DIDO1: variants seen among roughly 807,000 people sequenced by gnomAD.
The protein encoded by DIDO1 is death inducer-obliterator 1, also known as death-inducer obliterator 1.
DIDO1 carries 16 observed loss-of-function variants against 99.4 expected under a neutral mutation model. That is an observed-to-expected ratio of 0.16 (90% CI 0.11 to 0.24). The LOEUF (loss-of-function observed/expected upper bound fraction) is 0.24, where lower values mean the gene tolerates loss of function less well. DIDO1 is among the 10% of genes least tolerant of loss of function. DIDO1 has a pLI of 1.00. For synonymous variants in DIDO1, 1,366 were observed against 1,239.1 expected (o/e 1.10, Z -2.15); for missense variants, 2,996 against 3,014.0 (o/e 0.99, Z 0.14).
In DIDO1 at chr20:62,892,841, G is replaced by C. The variant is rs775903143; in HGVS notation, c.3223C>G (p.Pro1075Ala). ...AGGTAATCAAAACACCCAGAGACAG[G>C]ATACGCCTTAGTGACAAATTTTGCC... Reference protein sequence around the residue: ...SVAKFVTKAYPVSGCFDYLSE... With the variant: ...SVAKFVTKAYAVSGCFDYLSE... The change falls in exon 13 of 16, where the codon CCT becomes GCT. Residue 1075 changes from proline (P) to alanine (A), a missense_variant. By Grantham distance (27) the Pro-to-Ala change is conservative. Coordinates refer to ENST00000395343, the MANE Select transcript of DIDO1 (RefSeq NM_001193369.2). 1.9e-6 allele frequency: 3 copies of C among 1,614,020 alleles called. No individual in the cohort carries two copies. Among genetic ancestry groups the C allele is most frequent in the Non-Finnish European group, 2.5e-6 (3 of 1,179,960 alleles).
chr20:62,922,453 G>T (rs1374238413), intron 1 of DIDO1, among the ~76,000 whole-genome samples: 1 of 151,976 alleles, frequency 6.6e-6, no homozygotes. Flanking sequence ...CACTCAAGGG[G>T]GAACCTGTCT....
intron 1 of DIDO1, among the ~76,000 whole-genome samples, chr20:62,935,400 C>G (rs901479246): frequency 6.6e-6 from 1 of 152,148 alleles, no homozygotes; most frequent in African/African-American, 2.4e-5. Flanking sequence ...CCATTTTATG[C>G]TGAATCATGA....
At chr20:62,883,608 T>G (rs992318857) in intron 15 of DIDO1, among the ~76,000 whole-genome samples, 3 of 151,874 alleles carry the variant, frequency 2.0e-5, no homozygotes, top group Non-Finnish European at 4.4e-5. Context: ...GGGCGGATCA[T>G]GAGGTCAAGA....
chr20:62,937,719 C>T (rs995629613), intron 1 of DIDO1: 18 of 397,282 alleles, frequency 4.5e-5, no homozygotes, highest in African/African-American at 3.7e-4. Flanking sequence ...GTCTGAGGGG[C>T]GGCCGCGGAC....
At chr20:62,900,338 G>C (rs1600961909) in intron 6 of DIDO1, among the ~76,000 whole-genome samples, 1 of 152,248 alleles carries the variant, frequency 6.6e-6, no homozygotes, top group Non-Finnish European at 1.5e-5. Flanking sequence ...GGTCGTCGTC[G>C]TGCACAGGGA....
chr20:62,897,111 T>A lies in DIDO1; in HGVS notation c.1589-115A>T, dbSNP rs569540133. On this transcript the variant is annotated intron_variant, in intron 6 of 15. Coordinates refer to ENST00000395343, the MANE Select transcript of DIDO1 (RefSeq NM_001193369.2). ...TAAGTGCCCACCTGGCATTACTGAA[T>A]AGGATACACATAGAGAAAAGGATTT... 4 of 915,102 alleles carry A rather than the reference T, an allele frequency of 4.4e-6. No homozygotes were observed. In the East Asian group the frequency reaches 1.1e-4, roughly 24 times the overall value. 56.7% of individuals were successfully genotyped at this position (915,102 alleles called of 1,614,324 possible).
rs753731422 is a variant in DIDO1, at chr20:62,893,709, G to C, written c.3058C>G (p.Pro1020Ala). 2.5e-6 allele frequency: 4 copies of C among 1,611,150 alleles called. No individual in the cohort carries two copies. In the South Asian group the frequency reaches 3.3e-5, roughly 13 times the overall value. ...GGAACTGACAGGTATCTTGGGTCAGGAGATGAGGATGGCTTAGCTAGTATG... is the reference window on the plus strand; with the variant it reads ...GGAACTGACAGGTATCTTGGGTCAGCAGATGAGGATGGCTTAGCTAGTATG... Reference protein sequence around the residue: ...KSILAKPSSSPDPRYLSVPPS... With the variant: ...KSILAKPSSSADPRYLSVPPS... The change falls in exon 12 of 16, where the codon CCT becomes GCT. Residue 1020 changes from proline (P) to alanine (A), a missense_variant. Physicochemically the swap from Pro to Ala is conservative, Grantham distance 27. This residue lies in a region of DIDO1 where 898 missense variants were observed against 972.7 expected (regional missense o/e 0.92). Coordinates refer to ENST00000395343, the MANE Select transcript of DIDO1 (RefSeq NM_001193369.2).
At chr20:62,912,084 G>A (rs940121186) in intron 2 of DIDO1, among the ~76,000 whole-genome samples, 1 of 152,212 alleles carries the variant, frequency 6.6e-6, no homozygotes, top group African/African-American at 2.4e-5. Context: ...GGTGTGGCCT[G>A]CAAAGGGACC....
intron 15 of DIDO1, chr20:62,889,835 C>T: frequency 2.0e-6 from 2 of 985,430 alleles, no homozygotes; most frequent in Non-Finnish European, 2.4e-6. Flanking sequence ...ATGCACCACG[C>T]CAGCAAATAT....
chr20:62,935,888 G>A (rs1037374268), intron 1 of DIDO1, among the ~76,000 whole-genome samples: 4 of 152,224 alleles, frequency 2.6e-5, no homozygotes, highest in African/African-American at 9.7e-5. Flanking sequence ...TGGCTTCCAC[G>A]TTATGGTGGA....
Position 62,894,360 on chromosome 20 carries a change from C to G in DIDO1, c.2572+53G>C. On this transcript the variant is annotated intron_variant, in intron 11 of 15. Coordinates refer to ENST00000395343, the MANE Select transcript of DIDO1 (RefSeq NM_001193369.2). The surrounding 1 kb of genome is among the most constrained non-coding windows in gnomAD (Gnocchi z 4.4). ...TTTTAGGAGGTTCAGTGATTTTTAA[C>G]AAAATCAAGTTTAGTCTCAGCTCCA... The G allele has an allele frequency of 1.3e-6, 2 of 1,593,838 alleles. No homozygotes were observed. The highest frequency in any genetic ancestry group is 1.7e-6 in the Non-Finnish European group (2 of 1,171,272).
chr20:62,905,207 A>G, intron 6 of DIDO1: 1 of 1,139,978 alleles, frequency 8.8e-7, no homozygotes, highest in Middle Eastern at 3.7e-4. Context: ...ACCAAGTCCA[A>G]GGCACGCGTC....
At chr20:62,902,958 A>T (rs1440596910) in intron 6 of DIDO1, among the ~76,000 whole-genome samples, 1 of 152,192 alleles carries the variant, frequency 6.6e-6, no homozygotes, top group Non-Finnish European at 1.5e-5. Flanking sequence ...ATTCCATCTC[A>T]AAATTCTAGT....
Position 62,891,993 on chromosome 20 carries a change from C to T in DIDO1, c.3339G>A (p.Val1113=). 6.2e-7 allele frequency: 1 copy of T among 1,611,346 alleles called. No homozygotes were observed. Among genetic ancestry groups the T allele is most frequent in the Admixed American group, 1.7e-5 (1 of 59,228 alleles). ...WDYVGKLKSS[V]SKELCLIRFH... The stretch of plus-strand genomic sequence containing the variant: ...TTATACTATAAGCAGGTACCTTAGA[C>T]ACAGAAGACTTGAGTTTGCCAACAT... Residue 1113 remains valine (V), a synonymous_variant, in exon 14 of 16, where the codon GTG becomes GTA. Coordinates refer to ENST00000395343, the MANE Select transcript of DIDO1 (RefSeq NM_001193369.2).
intron 3 of DIDO1, 26 bp downstream of exon 3, chr20:62,910,748 T>C: frequency 6.3e-7 from 1 of 1,591,978 alleles, no homozygotes; most frequent in Non-Finnish European, 8.6e-7. Flanking sequence ...CCCTGGGATT[T>C]CTGTGGGTGC....
At chr20:62,898,657 C>G (rs1032974835) in intron 6 of DIDO1, among the ~76,000 whole-genome samples, 3 of 152,186 alleles carry the variant, frequency 2.0e-5, no homozygotes, top group Non-Finnish European at 4.4e-5. Flanking sequence ...GCCACAGGAC[C>G]CCCTCCTTGG....
chr20:62,885,556 C>T (rs2064283894), intron 15 of DIDO1, among the ~76,000 whole-genome samples: 1 of 152,208 alleles, frequency 6.6e-6, no homozygotes, highest in South Asian at 2.1e-4. Flanking sequence ...ATCAAACACG[C>T]AGCTGGCACG....
rs150301288 is a variant in DIDO1 at position 62,881,882 on chromosome 20, C to G, written c.4074G>C (p.Pro1358=). The change falls in exon 16 of 16, where the codon CCG becomes CCC. Residue 1358 remains proline (P), a synonymous_variant. Coordinates refer to ENST00000395343, the MANE Select transcript of DIDO1 (RefSeq NM_001193369.2). This position sits in a 1 kb window ranked among gnomAD's most constrained non-coding sequence, Gnocchi z 8.3. The part of the protein sequence containing the change: ...TTAEDGVPAP[P]LLDPIVQQFG... Reference sequence around the variant, plus strand: ...ACTGCTGGACGATCGGATCTAACAACGGAGGTGCCGGCACCCCGTCCTCTG... The same window carrying G: ...ACTGCTGGACGATCGGATCTAACAAGGGAGGTGCCGGCACCCCGTCCTCTG... 1 of 1,613,496 alleles carries G rather than the reference C, an allele frequency of 6.2e-7. No individual in the cohort carries two copies. The highest frequency in any genetic ancestry group is 1.7e-5 in the Admixed American group (1 of 60,022).
At chr20:62,906,154 A>C in intron 5 of DIDO1, 54 bp from the exon 6 acceptor site, 2 of 1,556,674 alleles carry the variant, frequency 1.3e-6, no homozygotes, top group Non-Finnish European at 1.7e-6. Flanking sequence ...TCATACCTTC[A>C]CTTCATTTCA....
Sources: allele counts gnomAD v4.1 joint callset (sites outside exome capture counted in the v4.1 genomes callset), GRCh38; gene constraint gnomAD v4.1.1; regional missense constraint gnomAD v4.1.1; non-coding constraint Gnocchi (gnomAD v3.1); transcripts MANE v1.5; gene names NCBI Gene and HGNC (gene_info 2026-07-23, HGNC 2026-07-21).